The following SMAD3 variants were observed in gnomAD, a reference collection of about 807,000 sequenced individuals.
SMAD3 encodes SMAD family member 3.
SMAD3 carries 12 observed loss-of-function variants against 51.8 expected under a neutral mutation model. That is an observed-to-expected ratio of 0.23 (90% CI 0.15 to 0.38). SMAD3 has a LOEUF of 0.38. Ranked by LOEUF, SMAD3 falls within the 10% of genes least tolerant of loss-of-function variation. The pLI is 1.00. For missense variants in SMAD3, 294 were observed against 565.6 expected, an observed-to-expected ratio of 0.52 and a Z score of 4.87; for synonymous variants, 238 against 227.7, an observed-to-expected ratio of 1.05 and a Z score of -0.41.
At chr15:67,142,729 T>A (rs1161979374) in intron 1 of SMAD3, 2 of 332,820 alleles carry the variant, frequency 6.0e-6, no homozygotes, top group South Asian at 4.3e-5. Context: ...CAAAAACCAC[T>A]GTGCTAAGTA....
chr15:67,142,199 A>ACCC (rs549870512), intron 1 of SMAD3, among the ~76,000 whole-genome samples: 7,990 of 127,164 alleles, frequency 0.063, 459 homozygotes, highest in African/African-American at 0.17. Flanking sequence ...TCCTCCCCAC[A>ACCC]CCCCCCCCAC....
At chr15:67,089,954 A>G (rs900461704) in intron 1 of SMAD3, among the ~76,000 whole-genome samples, 2 of 152,196 alleles carry the variant, frequency 1.3e-5, no homozygotes, top group African/African-American at 4.8e-5. Context: ...AGTGGCCAGC[A>G]GTAGTGTTGG....
intron 1 of SMAD3, among the ~76,000 whole-genome samples, chr15:67,153,807 A>G (rs1473649478): frequency 6.6e-6 from 1 of 152,216 alleles, no homozygotes; most frequent in African/African-American, 2.4e-5. Flanking sequence ...CGCCAAATCC[A>G]TAGCCTGATG....
intron 1 of SMAD3, among the ~76,000 whole-genome samples, chr15:67,129,110 C>G (rs1371911889): frequency 6.6e-6 from 1 of 151,668 alleles, no homozygotes; most frequent in Non-Finnish European, 1.5e-5. Context: ...GTCCCCCTAC[C>G]TCTACACCAG....
chr15:67,139,206 A>G (rs1227749458), intron 1 of SMAD3, among the ~76,000 whole-genome samples: 1 of 152,192 alleles, frequency 6.6e-6, no homozygotes, highest in Non-Finnish European at 1.5e-5. Flanking sequence ...GTTTACGTGG[A>G]TCTTGAGGAT....
chr15:67,124,025 T>C (rs376670647), intron 1 of SMAD3, among the ~76,000 whole-genome samples: 1 of 152,196 alleles, frequency 6.6e-6, no homozygotes, highest in East Asian at 1.9e-4. Context: ...TCTCCCTCTG[T>C]CACCCAGGCT....
intron 1 of SMAD3, among the ~76,000 whole-genome samples, chr15:67,157,801 C>T (rs1366173668): frequency 6.6e-6 from 1 of 152,206 alleles, no homozygotes; most frequent in African/African-American, 2.4e-5. Flanking sequence ...GTGGCTCTCA[C>T]CACCATTTTG....
chr15:67,171,976 G>T (rs1266013273), intron 5 of SMAD3, among the ~76,000 whole-genome samples: 1 of 152,126 alleles, frequency 6.6e-6, no homozygotes, highest in African/African-American at 2.4e-5. Context: ...ACCCTCCTGG[G>T]GCCAAGGTAG....
intron 1 of SMAD3, among the ~76,000 whole-genome samples, chr15:67,146,470 C>G (rs548794793): frequency 5.8e-4 from 89 of 152,222 alleles, no homozygotes; most frequent in African/African-American, 2.1e-3. Flanking sequence ...CGGCCTAGAG[C>G]GGGTAGTGTG....
intron 1 of SMAD3, among the ~76,000 whole-genome samples, chr15:67,099,846 A>G (rs1467371465): frequency 6.6e-6 from 1 of 152,252 alleles, no homozygotes; most frequent in African/African-American, 2.4e-5. Context: ...ATTAATTCAA[A>G]AGCATATTCC....
At chr15:67,158,512 T>C (rs1042914789) in intron 1 of SMAD3, among the ~76,000 whole-genome samples, 2 of 152,248 alleles carry the variant, frequency 1.3e-5, no homozygotes, top group Non-Finnish European at 2.9e-5. Context: ...CTGGCGGTCG[T>C]GTGCTCACAA....
At chr15:67,112,097 A>T (rs117775603) in intron 1 of SMAD3, among the ~76,000 whole-genome samples, 1,930 of 144,314 alleles carry the variant, frequency 0.013, 20 homozygotes, top group Middle Eastern at 0.024. Context: ...TTCCATTTGT[A>T]TATCTTGTTT....
At chr15:67,148,193 C>T (rs998346695) in intron 1 of SMAD3, among the ~76,000 whole-genome samples, 9 of 152,260 alleles carry the variant, frequency 5.9e-5, no homozygotes, top group African/African-American at 2.4e-5. Context: ...CTAGAAGGTA[C>T]TAGAAGGTGA....
chr15:67,076,344 G>A (rs936144737), intron 1 of SMAD3, among the ~76,000 whole-genome samples: 2 of 152,182 alleles, frequency 1.3e-5, no homozygotes, highest in Non-Finnish European at 2.9e-5. Flanking sequence ...CTCCTGGGGC[G>A]GGGGATGGGT....
intron 1 of SMAD3, among the ~76,000 whole-genome samples, chr15:67,156,574 G>T (rs1342847844): frequency 6.6e-6 from 1 of 152,242 alleles, no homozygotes. Context: ...CATGTATGGA[G>T]ATAATGATAC....
chr15:67,165,660 G>A (rs556025399), intron 3 of SMAD3, among the ~76,000 whole-genome samples: 1 of 152,338 alleles, frequency 6.6e-6, no homozygotes, highest in African/African-American at 2.4e-5. Flanking sequence ...TTTTGGAAGC[G>A]GAAATAGCAA....
intron 4 of SMAD3, among the ~76,000 whole-genome samples, chr15:67,169,146 C>T (rs1046252086): frequency 6.6e-6 from 1 of 152,046 alleles, no homozygotes; most frequent in Non-Finnish European, 1.5e-5. Context: ...TCATTTTATA[C>T]CTGAGGAAAA....
In SMAD3 at chr15:67,187,875, A is replaced by G. The variant is rs560571750; in HGVS notation, c.1154+366A>G. On this transcript the variant is annotated intron_variant, in intron 8 of 8. Coordinates refer to ENST00000327367, the MANE Select transcript of SMAD3 (RefSeq NM_005902.4). ...CACTGGTAGAAGAGCTGTGTCTAGAACTCTGCCCTCTTGGCTTCTTCCTTA... is the reference window on the plus strand; with the variant it reads ...CACTGGTAGAAGAGCTGTGTCTAGAGCTCTGCCCTCTTGGCTTCTTCCTTA... 5.9e-5 allele frequency among the ~76,000 whole-genome samples: 9 copies of G among 151,948 alleles called. No homozygotes were observed. The East Asian group carries it at 1.2e-3, about 20-fold the overall frequency.
intron 1 of SMAD3, among the ~76,000 whole-genome samples, chr15:67,073,315 G>T (rs1201290079): frequency 1.3e-5 from 2 of 152,206 alleles, no homozygotes; most frequent in South Asian, 2.1e-4. Flanking sequence ...CTGCCACAGT[G>T]GCAACTGCTG....
Sources: gnomAD v4.1 joint callset for allele counts (sites outside exome capture counted in the v4.1 genomes callset) on GRCh38, gnomAD v4.1.1 for gene constraint, MANE v1.5 for transcripts, NCBI Gene and HGNC (gene_info 2026-07-23, HGNC 2026-07-21) for gene names.